The following EGLN1 variants were observed in gnomAD, a reference collection of about 807,000 sequenced individuals.
The protein encoded by EGLN1 is egl nine homolog 1.
In EGLN1, 17 loss-of-function variants were observed where a neutral mutation model predicts 38.3. The ratio of observed to expected loss-of-function variants is 0.44; its 90% CI spans 0.30 to 0.67. EGLN1 has a LOEUF of 0.67. Among genes scored for constraint, EGLN1 ranks in the 30% least tolerant of loss-of-function variants. The probability of loss-of-function intolerance (pLI) is 0.08; values close to 1 mark genes in which losing one functional copy is unlikely to be tolerated. For synonymous variants in EGLN1, 283 were observed against 257.5 expected (o/e 1.10, Z -0.95); for missense variants, 477 against 603.3 (o/e 0.79, Z 2.19).
intron 1 of EGLN1, among the ~76,000 whole-genome samples, chr1:231,388,752 T>A (rs543524766): frequency 8.5e-5 from 13 of 152,128 alleles, no homozygotes; most frequent in Non-Finnish European, 1.8e-4. Flanking sequence ...CCTCCTGAGT[T>A]CAAGCGATTC....
intron 1 of EGLN1, among the ~76,000 whole-genome samples, chr1:231,417,075 T>A (rs1187800515): frequency 1.3e-5 from 2 of 152,226 alleles, no homozygotes; most frequent in Non-Finnish European, 2.9e-5. Context: ...CAGCATGGTC[T>A]GGTACTGATG....
In EGLN1 at chr1:231,421,228, G is replaced by A. The variant is rs1656580184; in HGVS notation, c.661C>T (p.Gln221Ter). The A allele has an allele frequency of 3.7e-6, 6 of 1,613,882 alleles. No individual in the cohort carries two copies. The highest frequency in any genetic ancestry group is 5.1e-6 in the Non-Finnish European group (6 of 1,180,030). The part of the protein sequence containing the change: ...DDFLGKETGQ[Q>*]IGDEVRALHD... Reference sequence around the variant, plus strand: ...AGGGCGCGCACCTCGTCGCCGATCTGCTGTCCGGTCTCCTTGCCGAGGAAG... The same window carrying A: ...AGGGCGCGCACCTCGTCGCCGATCTACTGTCCGGTCTCCTTGCCGAGGAAG... The change falls in exon 1 of 5, where the codon CAG (glutamine) becomes TAG (stop). Residue 221 changes from glutamine (Q) to a stop codon, truncating the protein, a stop_gained. Coordinates refer to ENST00000366641, the MANE Select transcript of EGLN1 (RefSeq NM_022051.3). LOFTEE classifies it high-confidence loss of function. The surrounding 1 kb of genome is among the most constrained non-coding windows in gnomAD (Gnocchi z 5.5).
intron 1 of EGLN1, among the ~76,000 whole-genome samples, chr1:231,374,318 A>G (rs1687902348): frequency 6.6e-6 from 1 of 152,180 alleles, no homozygotes; most frequent in Non-Finnish European, 1.5e-5. Flanking sequence ...CTTCACAGTG[A>G]TAACTCCAAA....
intron 1 of EGLN1, among the ~76,000 whole-genome samples, chr1:231,394,161 C>A (rs1293209177): frequency 1.3e-5 from 2 of 152,042 alleles, no homozygotes; most frequent in African/African-American, 4.8e-5. Context: ...GTAGACTAAT[C>A]CAATTTATTG....
At chr1:231,406,181 T>G (rs959499315) in intron 1 of EGLN1, among the ~76,000 whole-genome samples, 12 of 132,700 alleles carry the variant, frequency 9.0e-5, no homozygotes, top group African/African-American at 3.6e-4. Flanking sequence ...AAAAAAAAAT[T>G]TCAGGTTAAT....
At chr1:231,416,300 G>T (rs915572960) in intron 1 of EGLN1, among the ~76,000 whole-genome samples, 1 of 151,720 alleles carries the variant, frequency 6.6e-6, no homozygotes, top group African/African-American at 2.4e-5. Context: ...CATCTGGCCC[G>T]GAATCCATTA....
intron 1 of EGLN1, among the ~76,000 whole-genome samples, chr1:231,391,099 T>C (rs867992627): frequency 1.2e-4 from 17 of 140,314 alleles, no homozygotes; most frequent in South Asian, 2.3e-4. Flanking sequence ...TTTTTGTGTG[T>C]GTGTGTGTGT....
intron 1 of EGLN1, among the ~76,000 whole-genome samples, chr1:231,408,185 C>T (rs996905850): frequency 2.6e-5 from 4 of 152,060 alleles, no homozygotes; most frequent in Non-Finnish European, 4.4e-5. Context: ...ATTCAGAGTT[C>T]GGGAGGATAT....
In EGLN1 at chr1:231,421,577, G is replaced by C; in HGVS notation, c.312C>G (p.Ser104=). 7.6e-7 allele frequency: 1 copy of C among 1,312,116 alleles called. No homozygotes were observed. Among genetic ancestry groups the C allele is most frequent in the Non-Finnish European group, 9.6e-7 (1 of 1,038,612 alleles). The allele number at this position is 1,312,116 out of a possible 1,614,324, so 81.3% of individuals were successfully genotyped here. A position where few individuals can be genotyped will look rare whatever the true frequency, so the allele number is the denominator to read the frequency against. The change falls in exon 1 of 5, where the codon TCC becomes TCG. Residue 104 remains serine, a synonymous_variant. Coordinates refer to ENST00000366641, the MANE Select transcript of EGLN1 (RefSeq NM_022051.3). The surrounding 1 kb of genome is among the most constrained non-coding windows in gnomAD (Gnocchi z 5.5). ...TTACTTTTCCCTTGGCCGCGTCCCC[G>C]GAGGCGTTGTCCCGGCGCGCCGCTG... ...RKAAARRDNA[S]GDAAKGKVKA...
chr1:231,387,687 T>C (rs1178554549), intron 1 of EGLN1, among the ~76,000 whole-genome samples: 4 of 152,192 alleles, frequency 2.6e-5, no homozygotes, highest in South Asian at 2.1e-4. Flanking sequence ...TGTTTAAGTA[T>C]ACCTAGTGAG....
intron 1 of EGLN1, among the ~76,000 whole-genome samples, chr1:231,381,027 C>T (rs1205032121): frequency 6.6e-6 from 1 of 152,128 alleles, no homozygotes; most frequent in African/African-American, 2.4e-5. Context: ...TCAAGCAATC[C>T]TCCCAAGTAG....
At chr1:231,410,446 G>A (rs1053710904) in intron 1 of EGLN1, among the ~76,000 whole-genome samples, 1 of 152,146 alleles carries the variant, frequency 6.6e-6, no homozygotes, top group African/African-American at 2.4e-5. Flanking sequence ...CCAATGTCCT[G>A]ACTGCAGCCT....
At chr1:231,389,326 A>G (rs569104) in intron 1 of EGLN1, among the ~76,000 whole-genome samples, 14,805 of 152,284 alleles carry the variant, frequency 0.097, 809 homozygotes, top group Middle Eastern at 0.12. Context: ...AAATGAGGGT[A>G]AGACAGCTTG....
At position 231,375,159 on chromosome 1, in the gene EGLN1, G is replaced by A. The variant is rs189981734; in HGVS notation, c.892-1060C>T. On this transcript the variant is annotated intron_variant, in intron 1 of 4. Transcript: ENST00000366641. ...CTGCCTCCACCTTCCAGGTTCAAGC[G>A]ATTCTCCTGCCTCGGCCTCCCGAGT... Among the ~76,000 whole-genome samples the A allele has an allele frequency of 1.1e-3, 171 of 152,242 alleles. 1 individual carries two copies. Among genetic ancestry groups the A allele is most frequent in the African/African-American group, 3.3e-3 (137 of 41,544 alleles).
At chr1:231,402,868 A>T (rs1273002576) in intron 1 of EGLN1, among the ~76,000 whole-genome samples, 1 of 151,882 alleles carries the variant, frequency 6.6e-6, no homozygotes, top group Non-Finnish European at 1.5e-5. Flanking sequence ...AAAAAAAAGA[A>T]CAAAAACCTA....
At chr1:231,405,442 G>A (rs187887982) in intron 1 of EGLN1, among the ~76,000 whole-genome samples, 1 of 152,126 alleles carries the variant, frequency 6.6e-6, no homozygotes, top group East Asian at 1.9e-4. Flanking sequence ...CTCCCAAAGC[G>A]CTGGGATTAC....
intron 1 of EGLN1, among the ~76,000 whole-genome samples, chr1:231,385,364 T>C (rs564660891): frequency 6.6e-6 from 1 of 152,260 alleles, no homozygotes; most frequent in East Asian, 1.9e-4. Context: ...ACAATTAAAA[T>C]GACCAGTCCA....
At chr1:231,384,947 T>C (rs1041511784) in intron 1 of EGLN1, among the ~76,000 whole-genome samples, 4 of 152,196 alleles carry the variant, frequency 2.6e-5, no homozygotes, top group Non-Finnish European at 5.9e-5. Context: ...CAAGTCCTGA[T>C]GTGCAAAATA....
At chr1:231,419,487 A>G (rs1558085020) in intron 1 of EGLN1, among the ~76,000 whole-genome samples, 1 of 152,200 alleles carries the variant, frequency 6.6e-6, no homozygotes. Context: ...TCACAGCCCT[A>G]TTGTCTCAAA....
Sources: gnomAD v4.1 joint callset for allele counts (sites outside exome capture counted in the v4.1 genomes callset) on GRCh38, gnomAD v4.1.1 for gene constraint, Gnocchi (gnomAD v3.1) non-coding constraint, MANE v1.5 for transcripts, NCBI Gene and HGNC (gene_info 2026-07-23, HGNC 2026-07-21) for gene names.